Variants in BLMH observed in about 807,000 individuals in gnomAD.
BLMH encodes bleomycin hydrolase, also known as BLM hydrolase.
A neutral mutation model predicts 61.6 loss-of-function variants in BLMH; 32 were observed. That is an observed-to-expected ratio of 0.52 (90% CI 0.39 to 0.70). The LOEUF is 0.70. Ranked by LOEUF, BLMH falls within the 30% of genes least tolerant of loss-of-function variation. BLMH has a pLI of 0.00. For missense variants in BLMH, 460 were observed against 555.5 expected (o/e 0.83, Z 1.73); for synonymous variants, 183 against 193.8 (o/e 0.94, Z 0.46).
intron 6 of BLMH, among the ~76,000 whole-genome samples, chr17:30,279,756 C>T (rs1174897094): frequency 1.3e-5 from 2 of 151,924 alleles, no homozygotes; most frequent in Non-Finnish European, 2.9e-5. Context: ...GAGCTGTGAT[C>T]GTAACACTGC....
chr17:30,286,236 T>C (rs897953535), intron 5 of BLMH, among the ~76,000 whole-genome samples: 1 of 152,188 alleles, frequency 6.6e-6, no homozygotes, highest in African/African-American at 2.4e-5. Context: ...AAACCATGCC[T>C]GGCTAGCAAA....
At chr17:30,250,719 A>G (rs1014146895) in intron 11 of BLMH, among the ~76,000 whole-genome samples, 1 of 152,246 alleles carries the variant, frequency 6.6e-6, no homozygotes, top group African/African-American at 2.4e-5. Flanking sequence ...CGATCCAGCA[A>G]TCCCTCTACT....
intron 6 of BLMH, among the ~76,000 whole-genome samples, chr17:30,281,023 CTA>C (rs1908571105): frequency 6.8e-6 from 1 of 148,012 alleles, no homozygotes; most frequent in East Asian, 2.0e-4. Flanking sequence ...AGACAGCTGT[CTA>C]CTACTTTCTG....
chr17:30,271,867 A>G (rs1908281020), intron 9 of BLMH, among the ~76,000 whole-genome samples: 2 of 152,220 alleles, frequency 1.3e-5, no homozygotes, highest in African/African-American at 2.4e-5. Flanking sequence ...CAAAGAAACA[A>G]AAGGCAAAAT....
Position 30,249,004 on chromosome 17 carries a change from C to G in BLMH, c.*13G>C, listed in dbSNP as rs376678281. On this transcript the variant is annotated 3_prime_UTR_variant, in exon 12 of 12. Coordinates refer to ENST00000261714, the MANE Select transcript of BLMH (RefSeq NM_000386.4). ...CAGGTTCCATGGAAGGAGGAAAGAG[C>G]TGGAGGGCAGTATCACTCAGCCAAA... 6.2e-7 allele frequency: 1 copy of G among 1,613,428 alleles called. No individual in the cohort carries two copies. The highest frequency in any genetic ancestry group is 1.7e-5 in the Admixed American group (1 of 59,996).
chr17:30,275,378 A>C (rs1908390598), intron 6 of BLMH, among the ~76,000 whole-genome samples: 2 of 152,154 alleles, frequency 1.3e-5, no homozygotes, highest in Admixed American at 1.3e-4. Flanking sequence ...TGCAAAAACA[A>C]GGCTGGGCAC....
chr17:30,291,198 G>GA (rs745575788), intron 2 of BLMH, 113 bp downstream of exon 2: 2 of 1,331,798 alleles, frequency 1.5e-6, no homozygotes, highest in Non-Finnish European at 2.1e-6. Context: ...CATTCTTTAC[G>GA]AATTTACGAC....
At chr17:30,264,140 A>G (rs1908035791) in intron 11 of BLMH, among the ~76,000 whole-genome samples, 1 of 152,208 alleles carries the variant, frequency 6.6e-6, no homozygotes, top group African/African-American at 2.4e-5. Context: ...GTTAGAAAGA[A>G]CATTACCAAG....
At chr17:30,252,477 G>C (rs1685689112) in intron 11 of BLMH, among the ~76,000 whole-genome samples, 1 of 140,606 alleles carries the variant, frequency 7.1e-6, no homozygotes, top group Non-Finnish European at 1.5e-5. Context: ...CAGGTGGATT[G>C]CTTGAGCCCA....
At chr17:30,251,072 T>C (rs1167450596) in intron 11 of BLMH, among the ~76,000 whole-genome samples, 1 of 152,072 alleles carries the variant, frequency 6.6e-6, no homozygotes, top group Admixed American at 6.5e-5. Context: ...ATAATGGACT[T>C]TGGGCACTCA....
chr17:30,283,650 T>C (rs921773337), intron 6 of BLMH, among the ~76,000 whole-genome samples: 1 of 151,370 alleles, frequency 6.6e-6, no homozygotes, highest in Admixed American at 6.6e-5. Context: ...GCCTCCCGAG[T>C]AGCTGGGACT....
chr17:30,286,852 CTG>C lies in BLMH; in HGVS notation c.512_513del (p.Thr171ArgfsTer8). 6.3e-7 allele frequency: 1 copy of C among 1,596,866 alleles called. No homozygotes were observed. The highest frequency in any genetic ancestry group is 8.6e-7 in the Non-Finnish European group (1 of 1,164,622). On this transcript the variant is annotated frameshift_variant, in exon 5 of 12. Transcript: ENST00000261714. LOFTEE classifies it high-confidence loss of function. ...PKKCFPESYT[T>X]EATRRMNDIL... ...ATATCATTCATCCTTCTGGTTGCCT[CTG>C]TTGTATAAGATTCAGGGAAGCATTT... is the stretch of plus-strand genomic sequence containing the variant.
At chr17:30,288,634 A>T (rs1337669905) in intron 3 of BLMH, among the ~76,000 whole-genome samples, 2 of 152,154 alleles carry the variant, frequency 1.3e-5, no homozygotes, top group Non-Finnish European at 2.9e-5. Flanking sequence ...GGCATGAGCC[A>T]CCAAACCAGG....
chr17:30,288,928 C>A (rs1908807703), intron 3 of BLMH, among the ~76,000 whole-genome samples: 1 of 152,146 alleles, frequency 6.6e-6, no homozygotes, highest in Non-Finnish European at 1.5e-5. Context: ...GACTGTGCCA[C>A]AGCCCTCTAG....
chr17:30,283,780 A>G (rs950316796), intron 6 of BLMH, among the ~76,000 whole-genome samples: 3 of 152,098 alleles, frequency 2.0e-5, no homozygotes, highest in African/African-American at 7.2e-5. Flanking sequence ...TTGGCCTCCC[A>G]AAGTGCTGAG....
chr17:30,269,869 T>A (rs1304647834), intron 10 of BLMH, among the ~76,000 whole-genome samples: 1 of 152,208 alleles, frequency 6.6e-6, no homozygotes. Context: ...AAACTGAGAA[T>A]ACCTCAGAGT....
chr17:30,278,893 A>T (rs937666520), intron 6 of BLMH, among the ~76,000 whole-genome samples: 1 of 151,892 alleles, frequency 6.6e-6, no homozygotes, highest in African/African-American at 2.4e-5. Context: ...CTGGTCTTGA[A>T]CTCCGGGCCT....
In BLMH at chr17:30,274,862, C is replaced by T. The variant is rs963185049; in HGVS notation, c.646-665G>A. ...GACGTGGTGGCTCATGCCTGTAGTC[C>T]CAGGTGCTCAAGAGGCTGAGGAGGG... On this transcript the variant is annotated intron_variant, in intron 6 of 11. Transcript: ENST00000261714. Among the ~76,000 whole-genome samples, 17 of 151,966 alleles carry T rather than the reference C, an allele frequency of 1.1e-4. 1 individual carries two copies. In the South Asian group the frequency reaches 1.9e-3, roughly 17 times the overall value.
intron 11 of BLMH, among the ~76,000 whole-genome samples, chr17:30,266,466 A>G (rs1375822000): frequency 6.7e-6 from 1 of 148,572 alleles, no homozygotes; most frequent in Non-Finnish European, 1.5e-5. Flanking sequence ...TGGAGCTTGC[A>G]GTGAGCCAAG....
Sources: allele counts gnomAD v4.1 joint callset (sites outside exome capture counted in the v4.1 genomes callset), GRCh38; gene constraint gnomAD v4.1.1; transcripts MANE v1.5; gene names NCBI Gene and HGNC (gene_info 2026-07-23, HGNC 2026-07-21).